Variants in SH3RF3 observed in about 807,000 individuals in gnomAD.
The protein encoded by SH3RF3 is SH3 domain containing ring finger 3, also known as E3 ubiquitin-protein ligase SH3RF3.
A neutral mutation model predicts 66.3 loss-of-function variants in SH3RF3; 29 were observed. The observed-to-expected ratio is 0.44, with a 90% CI of 0.33 to 0.60. SH3RF3 has a LOEUF of 0.60. SH3RF3 is among the 20% of genes least tolerant of loss of function. The pLI is 0.04. For synonymous variants in SH3RF3, 583 were observed against 532.0 expected (o/e 1.10, Z -1.32); for missense variants, 1,194 against 1,190.9 (o/e 1.00, Z -0.04).
At chr2:109,437,556 C>T (rs908320981) in intron 7 of SH3RF3, among the ~76,000 whole-genome samples, 3 of 152,228 alleles carry the variant, frequency 2.0e-5, no homozygotes, top group East Asian at 3.9e-4. Context: ...GGGCCGGCCA[C>T]GTGGGTCTTC....
chr2:109,495,263 C>A (rs1371688373), intron 9 of SH3RF3, among the ~76,000 whole-genome samples: 1 of 152,154 alleles, frequency 6.6e-6, no homozygotes, highest in Non-Finnish European at 1.5e-5. Flanking sequence ...AGGTTAGAAC[C>A]GTCTAATGCC....
At chr2:109,467,963 T>G (rs1678402484) in intron 8 of SH3RF3, among the ~76,000 whole-genome samples, 1 of 152,162 alleles carries the variant, frequency 6.6e-6, no homozygotes, top group Admixed American at 6.5e-5. Context: ...GGCTGCTGGG[T>G]CAGAGGCAGA....
At chr2:109,433,482 A>G (rs1677307080) in intron 6 of SH3RF3, among the ~76,000 whole-genome samples, 2 of 152,230 alleles carry the variant, frequency 1.3e-5, no homozygotes, top group African/African-American at 2.4e-5. Context: ...AGTCAGCCTC[A>G]CTCACAGAAG....
chr2:109,258,112 C>T (rs1680264191), intron 1 of SH3RF3, among the ~76,000 whole-genome samples: 1 of 152,182 alleles, frequency 6.6e-6, no homozygotes, highest in Non-Finnish European at 1.5e-5. Flanking sequence ...TTAACCGGCC[C>T]AGACATTGGA....
intron 7 of SH3RF3, among the ~76,000 whole-genome samples, chr2:109,444,829 A>G (rs1677663083): frequency 1.3e-5 from 2 of 152,252 alleles, no homozygotes; most frequent in African/African-American, 4.8e-5. Context: ...AAGTTAGCCA[A>G]TAAACTCAAG....
At chr2:109,213,989 T>G (rs1204746327) in intron 1 of SH3RF3, among the ~76,000 whole-genome samples, 1 of 152,048 alleles carries the variant, frequency 6.6e-6, no homozygotes, top group Non-Finnish European at 1.5e-5. Flanking sequence ...GTGGATTGGG[T>G]GGACGTGGCG....
At chr2:109,335,284 T>C (rs890188913) in intron 1 of SH3RF3, among the ~76,000 whole-genome samples, 1 of 152,228 alleles carries the variant, frequency 6.6e-6, no homozygotes, top group Non-Finnish European at 1.5e-5. Flanking sequence ...CTTTCTAGCA[T>C]GTTTTCTCAG....
chr2:109,475,904 G>A (rs764176371), intron 8 of SH3RF3, among the ~76,000 whole-genome samples: 6 of 152,076 alleles, frequency 3.9e-5, no homozygotes, highest in Non-Finnish European at 7.3e-5. Flanking sequence ...ACATCTTCAC[G>A]AGCTTCACCT....
rs114186059 is a variant in SH3RF3, at chr2:109,377,780, C to G, written c.945+6099C>G. ...TAAGCCTTGGTTGATGCAGCAACAT[C>G]AAGCTCAGTTCCTCCTGCTCCTGTA... On this transcript the variant is annotated intron_variant, in intron 3 of 9. Coordinates refer to ENST00000309415, the MANE Select transcript of SH3RF3 (RefSeq NM_001099289.3). Among the ~76,000 whole-genome samples, 1,168 of 152,292 alleles carry G rather than the reference C, an allele frequency of 7.7e-3. 15 individuals carry two copies. The highest frequency in any genetic ancestry group is 0.027 in the African/African-American group (1,119 of 41,566).
At position 109,376,144 on chromosome 2, in the gene SH3RF3, T is replaced by C. The variant is rs142950094; in HGVS notation, c.945+4463T>C. Among the ~76,000 whole-genome samples the C allele has an allele frequency of 1.5e-3, 221 of 152,360 alleles. 1 individual carries two copies. Among genetic ancestry groups the C allele is most frequent in the South Asian group, 3.9e-3 (19 of 4,830 alleles). ...TTGTGGAGTGAAAGCTGCTCCTCGG[T>C]CCATTGCTGTGTTGATTGAAGATCA... is the stretch of plus-strand genomic sequence containing the variant. On this transcript the variant is annotated intron_variant, in intron 3 of 9. Transcript: ENST00000309415.
At chr2:109,315,972 T>A (rs1681869656) in intron 1 of SH3RF3, among the ~76,000 whole-genome samples, 1 of 152,162 alleles carries the variant, frequency 6.6e-6, no homozygotes, top group Non-Finnish European at 1.5e-5. Context: ...GCAGAAGTCT[T>A]TTTGGTCTGA....
chr2:109,271,000 G>A (rs1277954145), intron 1 of SH3RF3, among the ~76,000 whole-genome samples: 2 of 152,172 alleles, frequency 1.3e-5, no homozygotes, highest in African/African-American at 4.8e-5. Flanking sequence ...CATTTTCTGG[G>A]TCACCCCTCA....
chr2:109,493,856 A>G (rs1430677940), intron 9 of SH3RF3, among the ~76,000 whole-genome samples: 1 of 152,072 alleles, frequency 6.6e-6, no homozygotes, highest in Non-Finnish European at 1.5e-5. Context: ...TAATACAAAC[A>G]CATATTCAGA....
chr2:109,423,027 G>T (rs1208378099), intron 5 of SH3RF3, among the ~76,000 whole-genome samples: 1 of 152,172 alleles, frequency 6.6e-6, no homozygotes, highest in Non-Finnish European at 1.5e-5. Flanking sequence ...GCCTTGGTCT[G>T]GGACTGCATG....
At chr2:109,498,636 C>G (rs1679311825) in intron 9 of SH3RF3, among the ~76,000 whole-genome samples, 1 of 152,222 alleles carries the variant, frequency 6.6e-6, no homozygotes, top group Admixed American at 6.5e-5. Context: ...TCCACATTCC[C>G]TAGTTCATTC....
At chr2:109,457,426 C>A (rs551558349) in intron 8 of SH3RF3, among the ~76,000 whole-genome samples, 3 of 152,334 alleles carry the variant, frequency 2.0e-5, no homozygotes, top group African/African-American at 7.2e-5. Context: ...AATAGTAATA[C>A]ACTTTAGAAA....
intron 5 of SH3RF3, among the ~76,000 whole-genome samples, chr2:109,423,708 G>A (rs1177791153): frequency 1.3e-5 from 2 of 152,188 alleles, no homozygotes; most frequent in East Asian, 3.9e-4. Context: ...CTTTGACAGT[G>A]CCCAGCCTTG....
chr2:109,370,450 G>A (rs1683244588), intron 2 of SH3RF3, among the ~76,000 whole-genome samples: 1 of 151,964 alleles, frequency 6.6e-6, no homozygotes, highest in Non-Finnish European at 1.5e-5. Context: ...ATATTGGTCA[G>A]GCTGGTCTCA....
chr2:109,281,398 C>T (rs145448532), intron 1 of SH3RF3, among the ~76,000 whole-genome samples: 485 of 152,280 alleles, frequency 3.2e-3, no homozygotes, highest in Non-Finnish European at 5.1e-3. Flanking sequence ...CTAGCTCTGC[C>T]GATGTGACAG....
Sources: allele counts gnomAD v4.1 joint callset (sites outside exome capture counted in the v4.1 genomes callset), GRCh38; gene constraint gnomAD v4.1.1; transcripts MANE v1.5; gene names NCBI Gene and HGNC (gene_info 2026-07-23, HGNC 2026-07-21).